The following MEIS1 variants were observed in gnomAD, a reference collection of about 807,000 sequenced individuals.
The protein encoded by MEIS1 is Meis homeobox 1.
A neutral mutation model predicts 50.8 loss-of-function variants in MEIS1; 5 were observed. The ratio of observed to expected loss-of-function variants is 0.10; its 90% CI spans 0.05 to 0.21. The LOEUF is 0.21. MEIS1 is among the 10% of genes least tolerant of loss of function. MEIS1 has a pLI of 1.00. For missense variants in MEIS1, 318 were observed against 517.3 expected (o/e 0.61, Z 3.74); for synonymous variants, 176 against 179.3 (o/e 0.98, Z 0.15).
chr2:66,486,385 T>G (rs1442592592), intron 7 of MEIS1, among the ~76,000 whole-genome samples: 1 of 152,200 alleles, frequency 6.6e-6, no homozygotes, highest in Non-Finnish European at 1.5e-5. Flanking sequence ...TTTTGTCAGG[T>G]TTGTCAAAGA....
intron 9 of MEIS1, among the ~76,000 whole-genome samples, chr2:66,563,071 G>C (rs1432840306): frequency 6.6e-6 from 1 of 152,158 alleles, no homozygotes; most frequent in East Asian, 1.9e-4. Flanking sequence ...GAGCAAAACT[G>C]TCATGTGGCT....
In MEIS1 at chr2:66,437,750, C is replaced by T. The variant is rs1671838180; in HGVS notation, c.26C>T (p.Pro9Leu). The change falls in exon 2 of 13, where the codon CCC (proline) becomes CTC (leucine). Residue 9 changes from proline to leucine, a missense_variant. Physicochemically the swap from Pro to Leu is moderately conservative, Grantham distance 98 (BLOSUM62 -3). Around this residue, in one of 6 missense-constraint regions of MEIS1, gnomAD observed 100 missense variants for 107.1 expected, o/e 0.93. Transcript: ENST00000272369. MAQRYDDL[P>L]HYGGMDGVGI... ...TTTGTCATGCAGTACGACGATCTAC[C>T]CCATTACGGGGGCATGGATGGAGTA... is the stretch of plus-strand genomic sequence containing the variant. 1 of 1,613,816 alleles carries T rather than the reference C, an allele frequency of 6.2e-7. No homozygotes were observed. The highest frequency in any genetic ancestry group is 2.2e-5 in the East Asian group (1 of 44,842).
intron 12 of MEIS1, 183 bp from the exon 13 acceptor site, chr2:66,571,063 T>C: frequency 1.6e-6 from 1 of 622,818 alleles, no homozygotes; most frequent in Non-Finnish European, 2.6e-6. Flanking sequence ...TGGCAAAATG[T>C]GAGTTTCCAG....
At chr2:66,551,987 G>T (rs1237114330) in intron 9 of MEIS1, among the ~76,000 whole-genome samples, 1 of 151,142 alleles carries the variant, frequency 6.6e-6, no homozygotes, top group East Asian at 1.9e-4. Flanking sequence ...AGATTAGATG[G>T]TTGTTTAGAC....
At chr2:66,443,332 A>C in intron 6 of MEIS1, 1 of 348,972 alleles carries the variant, frequency 2.9e-6, no homozygotes, top group Non-Finnish European at 5.1e-6. Context: ...ACCCTCTATA[A>C]TAATGGGAGT....
intron 6 of MEIS1, among the ~76,000 whole-genome samples, chr2:66,463,588 G>A (rs1489516120): frequency 3.3e-5 from 5 of 152,078 alleles, no homozygotes. Context: ...CCTATGCCTG[G>A]TCCATTTGCC....
chr2:66,437,222 G>A (rs1671817271), intron 1 of MEIS1, among the ~76,000 whole-genome samples: 2 of 152,032 alleles, frequency 1.3e-5, no homozygotes. Context: ...ACGCTGGCAG[G>A]GAAATAAAAT....
At chr2:66,507,499 A>G (rs760181992) in intron 7 of MEIS1, among the ~76,000 whole-genome samples, 2 of 152,204 alleles carry the variant, frequency 1.3e-5, no homozygotes, top group Admixed American at 6.5e-5. Flanking sequence ...TCTATGACAT[A>G]AAGAGCCCTC....
intron 7 of MEIS1, among the ~76,000 whole-genome samples, chr2:66,470,813 A>G (rs1672745429): frequency 6.6e-6 from 1 of 152,236 alleles, no homozygotes; most frequent in Admixed American, 6.5e-5. Flanking sequence ...TTTATTATGT[A>G]GCCCTCTAGC....
At chr2:66,565,709 A>G (rs1675330211) in intron 9 of MEIS1, among the ~76,000 whole-genome samples, 1 of 152,182 alleles carries the variant, frequency 6.6e-6, no homozygotes, top group African/African-American at 2.4e-5. Context: ...TATGTTTTTA[A>G]AAAGTCTGGA....
Position 66,528,401 on chromosome 2 carries a change from A to T in MEIS1, c.888+16107A>T, listed in dbSNP as rs553510835. 1.7e-3 allele frequency among the ~76,000 whole-genome samples: 254 copies of T among 152,192 alleles called. 2 individuals are homozygous for T. The highest frequency in any genetic ancestry group is 5.9e-3 in the African/African-American group (245 of 41,532). ...AGCAAGGAAGGTACAGTGGTAAGAA[A>T]GTCGAAGAATCCATTCCCTACACTA... On this transcript the variant is annotated intron_variant, in intron 8 of 12. Coordinates refer to ENST00000272369, the MANE Select transcript of MEIS1 (RefSeq NM_002398.3).
At chr2:66,548,063 T>C in intron 9 of MEIS1, 44 bp downstream of exon 9, 2 of 1,578,468 alleles carry the variant, frequency 1.3e-6, no homozygotes, top group Non-Finnish European at 1.7e-6. Context: ...TGTTTCCCCC[T>C]CTGGCAACCT....
Position 66,437,884 on chromosome 2 carries a change from G to A in MEIS1, c.160G>A (p.Ala54Thr). Residue 54 changes from alanine to threonine, a missense_variant, in exon 2 of 13, where the codon GCT becomes ACT. Ala to Thr is a moderately conservative substitution (Grantham distance 58, BLOSUM62 0). Coordinates refer to ENST00000272369, the MANE Select transcript of MEIS1 (RefSeq NM_002398.3). ...PLHSHQYPHT[A>T]HTNAMAPSMG... ...GCACTCGCATCAGTACCCGCACACA[G>A]CTCATACCAACGCCATGGCCCCCAG... The A allele has an allele frequency of 3.7e-6, 6 of 1,611,746 alleles. No individual in the cohort carries two copies. The highest frequency in any genetic ancestry group is 4.2e-6 in the Non-Finnish European group (5 of 1,178,848).
intron 1 of MEIS1, chr2:66,437,403 C>T (rs1343030688): frequency 3.3e-6 from 1 of 304,196 alleles, no homozygotes; most frequent in African/African-American, 2.2e-5. Flanking sequence ...GAGACATGCC[C>T]GTTTCACCTT....
chr2:66,477,584 G>T (rs180865557), intron 7 of MEIS1, among the ~76,000 whole-genome samples: 1 of 152,152 alleles, frequency 6.6e-6, no homozygotes, highest in Non-Finnish European at 1.5e-5. Flanking sequence ...AGAAGGCTCC[G>T]GCTCCGTGGA....
At chr2:66,493,491 C>G (rs114818071) in intron 7 of MEIS1, among the ~76,000 whole-genome samples, 1,781 of 152,042 alleles carry the variant, frequency 0.012, 43 homozygotes, top group African/African-American at 0.041. Context: ...GTGTTATTTC[C>G]TTATAAATGA....
intron 7 of MEIS1, among the ~76,000 whole-genome samples, chr2:66,498,794 C>T (rs1316711658): frequency 6.6e-6 from 1 of 152,166 alleles, no homozygotes. Context: ...TGTTAAGATG[C>T]ACAGTGTGGT....
chr2:66,437,899 A>G lies in MEIS1; in HGVS notation c.175A>G (p.Met59Val), dbSNP rs545136188. The change falls in exon 2 of 13, where the codon ATG becomes GTG. Residue 59 changes from methionine (M) to valine (V), a missense_variant. This residue lies in a region of MEIS1 where 100 missense variants were observed against 107.1 expected (regional missense o/e 0.93). Transcript: ENST00000272369. ...CCCGCACACAGCTCATACCAACGCC[A>G]TGGCCCCCAGCATGGGCTCCTCTGT... ...QYPHTAHTNA[M>V]APSMGSSVND... 6.2e-7 allele frequency: 1 copy of G among 1,609,198 alleles called. No homozygotes were observed. Among genetic ancestry groups the G allele is most frequent in the Non-Finnish European group, 8.5e-7 (1 of 1,177,706 alleles).
chr2:66,440,406 C>A lies in MEIS1; in HGVS notation c.382-156C>A, dbSNP rs890142604. On this transcript the variant is annotated intron_variant, in intron 3 of 12. Coordinates refer to ENST00000272369, the MANE Select transcript of MEIS1 (RefSeq NM_002398.3). ...TAATTCACACTGAAATGTTTCTGCG[C>A]GGGACGAACTCGGTGTCACCGGGTC... 4.4e-6 allele frequency: 3 copies of A among 681,770 alleles called. No individual in the cohort carries two copies. The African/African-American group carries it at 5.4e-5, about 12-fold the overall frequency. 42.2% of individuals were successfully genotyped at this position (681,770 alleles called of 1,614,324 possible). A position where few individuals can be genotyped will look rare whatever the true frequency, so the allele number is the denominator to read the frequency against.
Sources: gnomAD v4.1 joint callset for allele counts (sites outside exome capture counted in the v4.1 genomes callset) on GRCh38, gnomAD v4.1.1 for gene constraint, gnomAD v4.1.1 regional missense constraint, MANE v1.5 for transcripts, NCBI Gene and HGNC (gene_info 2026-07-23, HGNC 2026-07-21) for gene names.